The following KAZN variants were observed in gnomAD, a reference collection of about 807,000 sequenced individuals.
KAZN encodes the protein kazrin.
A neutral mutation model predicts 87.4 loss-of-function variants in KAZN; 40 were observed. That is an observed-to-expected ratio of 0.46 (90% CI 0.36 to 0.60). The LOEUF (loss-of-function observed/expected upper bound fraction) is 0.60, where lower values mean the gene tolerates loss of function less well. Ranked by LOEUF, KAZN falls within the 20% of genes least tolerant of loss-of-function variation. KAZN has a pLI of 0.00. For synonymous variants in KAZN, 466 were observed against 458.3 expected, an observed-to-expected ratio of 1.02 and a Z score of -0.22; for missense variants, 898 against 1,073.9, an observed-to-expected ratio of 0.84 and a Z score of 2.29.
At chr1:15,072,164 C>T (rs180742668) in intron 8 of KAZN, among the ~76,000 whole-genome samples, 1 of 152,286 alleles carries the variant, frequency 6.6e-6, no homozygotes, top group East Asian at 1.9e-4. Flanking sequence ...ATTACCCTCC[C>T]CTCCTCGTAG....
At chr1:13,974,305 GAA>G (rs1642235278) in intron 1 of KAZN, among the ~76,000 whole-genome samples, 1 of 152,224 alleles carries the variant, frequency 6.6e-6, no homozygotes, top group Admixed American at 6.5e-5. Flanking sequence ...ATCATTTAGG[GAA>G]AGTTTATATC....
chr1:13,987,100 G>A (rs1235513787), intron 1 of KAZN, among the ~76,000 whole-genome samples: 1 of 152,148 alleles, frequency 6.6e-6, no homozygotes, highest in Non-Finnish European at 1.5e-5. Context: ...GGGTTCCTGG[G>A]TGCTCAGCAG....
At chr1:14,456,961 T>C (rs1315619584) in intron 2 of KAZN, among the ~76,000 whole-genome samples, 1 of 151,960 alleles carries the variant, frequency 6.6e-6, no homozygotes, top group African/African-American at 2.4e-5. Flanking sequence ...GTGCCTGGAG[T>C]CCCAGCTACT....
chr1:14,283,072 A>C (rs1481059741), intron 2 of KAZN, among the ~76,000 whole-genome samples: 1 of 152,214 alleles, frequency 6.6e-6, no homozygotes, highest in Admixed American at 6.5e-5. Context: ...GCAAACCACA[A>C]TTAGCAGTAT....
Position 14,951,991 on chromosome 1 carries a change from T to C in KAZN, c.227-8693T>C, listed in dbSNP as rs1446639410. Among the ~76,000 whole-genome samples, 27 of 152,260 alleles carry C rather than the reference T, an allele frequency of 1.8e-4. No homozygotes were observed. In the Middle Eastern group the frequency reaches 0.01, roughly 58 times the overall value. ...CCGCAGAGCCCAGCAGACCTGGGCT[T>C]GATCCCGTGCCCTGCCAATGTCTGT... On this transcript the variant is annotated intron_variant, in intron 1 of 14. Transcript: ENST00000376030.
chr1:14,666,977 G>A (rs1175039327), intron 1 of KAZN, among the ~76,000 whole-genome samples: 3 of 152,076 alleles, frequency 2.0e-5, no homozygotes, highest in South Asian at 2.1e-4. Context: ...GTCGTGATCC[G>A]CCCACTTCGG....
chr1:14,785,207 A>G (rs1377735402), intron 1 of KAZN, among the ~76,000 whole-genome samples: 1 of 152,158 alleles, frequency 6.6e-6, no homozygotes, highest in Non-Finnish European at 1.5e-5. Flanking sequence ...AAAAAAGTTG[A>G]CAGCCAAGCC....
intron 1 of KAZN, among the ~76,000 whole-genome samples, chr1:14,676,566 A>G (rs1418927864): frequency 6.6e-6 from 1 of 152,232 alleles, no homozygotes; most frequent in African/African-American, 2.4e-5. Flanking sequence ...TGAGTTGATG[A>G]GTGGGTAAAC....
At chr1:14,664,316 C>T (rs1427035247) in intron 1 of KAZN, among the ~76,000 whole-genome samples, 1 of 152,084 alleles carries the variant, frequency 6.6e-6, no homozygotes, top group African/African-American at 2.4e-5. Flanking sequence ...ACCTGTAGTC[C>T]CAGCTACTCG....
At chr1:15,076,064 G>A (rs957477378) in intron 8 of KAZN, among the ~76,000 whole-genome samples, 3 of 152,360 alleles carry the variant, frequency 2.0e-5, no homozygotes, top group East Asian at 1.9e-4. Flanking sequence ...TGTGGAGGCG[G>A]TGTGGAGCCT....
At chr1:14,478,104 T>A (rs1403472236) in intron 2 of KAZN, among the ~76,000 whole-genome samples, 1 of 152,080 alleles carries the variant, frequency 6.6e-6, no homozygotes, top group East Asian at 1.9e-4. Flanking sequence ...AAATGAAACA[T>A]AAGCATGTTA....
intron 3 of KAZN, among the ~76,000 whole-genome samples, chr1:15,037,425 G>T (rs1051499244): frequency 6.6e-6 from 1 of 152,142 alleles, no homozygotes; most frequent in Non-Finnish European, 1.5e-5. Flanking sequence ...CTCTGCACTC[G>T]CTATGGGGGT....
rs540874331 is a variant in KAZN at position 15,096,199 on chromosome 1, T to A, written c.1547+1266T>A. 1.2e-4 allele frequency among the ~76,000 whole-genome samples: 19 copies of A among 152,142 alleles called. No individual in the cohort carries two copies. Among genetic ancestry groups the A allele is most frequent in the African/African-American group, 4.1e-4 (17 of 41,498 alleles). On this transcript the variant is annotated intron_variant, in intron 10 of 14. Coordinates refer to ENST00000376030, the MANE Select transcript of KAZN (RefSeq NM_201628.3). The surrounding 1 kb of genome is among the most constrained non-coding windows in gnomAD (Gnocchi z 4.5). ...CCCCCTTACCCCACACCCAGCAGGG[T>A]CCATAAACACTGCCTGTGTTCAATG...
chr1:14,796,210 A>G (rs988932406), intron 1 of KAZN, among the ~76,000 whole-genome samples: 3 of 151,590 alleles, frequency 2.0e-5, no homozygotes, highest in African/African-American at 7.3e-5. Flanking sequence ...CCTGGGTCTC[A>G]CTCCTGCAAA....
At chr1:14,365,768 C>T (rs1160817088) in intron 2 of KAZN, among the ~76,000 whole-genome samples, 2 of 152,132 alleles carry the variant, frequency 1.3e-5, no homozygotes. Flanking sequence ...TAAGAACCTC[C>T]GGGTTAAAAA....
intron 1 of KAZN, among the ~76,000 whole-genome samples, chr1:14,666,735 T>G (rs1054407187): frequency 6.6e-6 from 1 of 152,060 alleles, no homozygotes; most frequent in Non-Finnish European, 1.5e-5. Context: ...CTGAGTCCTC[T>G]CCTCTTCTTT....
chr1:13,959,458 C>T (rs1175969962), intron 1 of KAZN, among the ~76,000 whole-genome samples: 1 of 152,172 alleles, frequency 6.6e-6, no homozygotes, highest in Admixed American at 6.5e-5. Context: ...TCTCTTTATC[C>T]TCAGTCCCCA....
chr1:15,012,411 A>C (rs1669662931), intron 2 of KAZN, among the ~76,000 whole-genome samples: 1 of 152,176 alleles, frequency 6.6e-6, no homozygotes, highest in Admixed American at 6.5e-5. Flanking sequence ...TCCCATGGTG[A>C]GTAAGGATGG....
In KAZN at chr1:14,436,559, A is replaced by G. The variant is rs1174117792; in HGVS notation, c.250-162424A>G. On this transcript the variant is annotated intron_variant, in intron 2 of 16. Transcript: ENST00000636203. ...ATGGTGAAACCCCGTCTCTACTAAA[A>G]CTACAAAAATTAGCCAGGTGTGGTG... Among the ~76,000 whole-genome samples, 5 of 151,698 alleles carry G rather than the reference A, an allele frequency of 3.3e-5. 1 individual carries two copies. The South Asian group carries it at 1.0e-3, about 32-fold the overall frequency.
Sources: gnomAD v4.1 joint callset for allele counts (sites outside exome capture counted in the v4.1 genomes callset) on GRCh38, gnomAD v4.1.1 for gene constraint, Gnocchi (gnomAD v3.1) non-coding constraint, MANE v1.5 for transcripts, NCBI Gene and HGNC (gene_info 2026-07-23, HGNC 2026-07-21) for gene names.